Variants in COL5A2 observed in about 807,000 individuals in gnomAD.
COL5A2 encodes collagen type V alpha 2 chain, also known as collagen alpha-2(V) chain.
In COL5A2, 23 loss-of-function variants were observed where a neutral mutation model predicts 208.2. The ratio of observed to expected loss-of-function variants is 0.11; its 90% CI spans 0.08 to 0.16. COL5A2 has a LOEUF of 0.16. Ranked by LOEUF, COL5A2 falls within the 10% of genes least tolerant of loss-of-function variation. The pLI, the probability that COL5A2 is intolerant of heterozygous loss-of-function variation, is 1.00. For missense variants in COL5A2, 1,590 were observed against 1,956.4 expected (o/e 0.81, Z 3.53); for synonymous variants, 625 against 628.5 (o/e 0.99, Z 0.08).
At chr2:189,363,381 T>G in the COL5A2 span, among the ~76,000 whole-genome samples, 1 of 152,156 alleles carries the variant, frequency 6.6e-6, no homozygotes, top group African/African-American at 2.4e-5. Context: ...TCTTCTAAAC[T>G]TTATCAAATC....
At chr2:189,200,966 T>C (rs975725420) in intron 1 of COL5A2, among the ~76,000 whole-genome samples, 12 of 151,914 alleles carry the variant, frequency 7.9e-5, no homozygotes, top group African/African-American at 2.7e-4. Context: ...ACAAGAAATG[T>C]TAAAGTTCTT....
chr2:189,289,210 C>T, the COL5A2 span, among the ~76,000 whole-genome samples: 48 of 151,876 alleles, frequency 3.2e-4, 1 homozygote, highest in Admixed American at 2.6e-3. Context: ...GGCGTGGTGG[C>T]GTACACCTGT....
intron 1 of COL5A2, among the ~76,000 whole-genome samples, chr2:189,213,901 G>C (rs1167959857): frequency 6.6e-6 from 1 of 152,154 alleles, no homozygotes; most frequent in Non-Finnish European, 1.5e-5. Context: ...TGTACGTCTT[G>C]ATCTGGGTAT....
intron 1 of COL5A2, among the ~76,000 whole-genome samples, chr2:189,134,582 C>T (rs940567278): frequency 6.6e-6 from 1 of 152,120 alleles, no homozygotes; most frequent in Non-Finnish European, 1.5e-5. Flanking sequence ...GAGTGAGACT[C>T]CATCTCAGAA....
intron 1 of COL5A2, among the ~76,000 whole-genome samples, chr2:189,201,310 G>A (rs1304815817): frequency 6.6e-6 from 1 of 151,872 alleles, no homozygotes; most frequent in South Asian, 2.1e-4. Context: ...TTAATAATAA[G>A]TCCATGAAAT....
the COL5A2 span, among the ~76,000 whole-genome samples, chr2:189,380,151 T>G: frequency 6.6e-6 from 1 of 152,008 alleles, no homozygotes; most frequent in Non-Finnish European, 1.5e-5. Flanking sequence ...TAAAATATTT[T>G]AGGAATGTCA....
intron 45 of COL5A2, 27 bp from the exon 46 acceptor site, chr2:189,045,934 T>G (rs1372449295): frequency 9.5e-6 from 15 of 1,580,110 alleles, no homozygotes; most frequent in East Asian, 6.7e-5. Context: ...TGATATTATT[T>G]TTTAACATTT....
At chr2:189,342,466 G>A in the COL5A2 span, among the ~76,000 whole-genome samples, 1 of 109,688 alleles carries the variant, frequency 9.1e-6, no homozygotes, top group African/African-American at 2.7e-5. Flanking sequence ...ATATATTTAT[G>A]CTTCTATTTA....
At chr2:189,374,647 T>C in the COL5A2 span, among the ~76,000 whole-genome samples, 1 of 152,208 alleles carries the variant, frequency 6.6e-6, no homozygotes, top group African/African-American at 2.4e-5. Flanking sequence ...GAATTTTTTA[T>C]GTCATGACTT....
intron 1 of COL5A2, among the ~76,000 whole-genome samples, chr2:189,168,388 T>C (rs1688512085): frequency 6.6e-6 from 1 of 152,088 alleles, no homozygotes; most frequent in Non-Finnish European, 1.5e-5. Context: ...ACTAGGAACT[T>C]TGCAGTTAAT....
chr2:189,165,296 A>G (rs1271869609), intron 1 of COL5A2, among the ~76,000 whole-genome samples: 1 of 152,212 alleles, frequency 6.6e-6, no homozygotes, highest in Non-Finnish European at 1.5e-5. Context: ...AGGGAAAAAC[A>G]TGAGATAAGT....
At chr2:189,412,920 T>A in the COL5A2 span, among the ~76,000 whole-genome samples, 3 of 152,030 alleles carry the variant, frequency 2.0e-5, no homozygotes, top group East Asian at 1.9e-4. Context: ...GTTCTCTGAG[T>A]GGAAAGTAGA....
Position 189,104,247 on chromosome 2 carries a change from T to C in COL5A2, c.336+17A>G, listed in dbSNP as rs1437875610. The C allele has an allele frequency of 8.7e-6, 13 of 1,496,278 alleles. No homozygotes were observed. The highest frequency in any genetic ancestry group is 1.1e-5 in the South Asian group (1 of 88,682). 92.7% of individuals were successfully genotyped at this position (1,496,278 alleles called of 1,614,324 possible). On this transcript the variant is annotated intron_variant, in intron 3 of 53. Coordinates refer to ENST00000374866, the MANE Select transcript of COL5A2 (RefSeq NM_000393.5). ...AAGTCTGCTTATGAAAAAGAAAATA[T>C]GCAAAGTAACACTTACCTTTCTTCC...
intron 1 of COL5A2, among the ~76,000 whole-genome samples, chr2:189,128,542 C>T (rs762354878): frequency 1.3e-4 from 20 of 151,936 alleles, no homozygotes; most frequent in Middle Eastern, 3.4e-3. Context: ...TGGTGCTCCT[C>T]AAACCTGGCT....
the COL5A2 span, among the ~76,000 whole-genome samples, chr2:189,236,504 T>C: frequency 6.6e-6 from 1 of 152,006 alleles, no homozygotes; most frequent in African/African-American, 2.4e-5. Flanking sequence ...ATGAGAGTTC[T>C]AGTTGCTAAA....
At chr2:189,182,443 T>C (rs1291146147), upstream of COL5A2, among the ~76,000 whole-genome samples, 1 of 152,190 alleles carries the variant, frequency 6.6e-6, no homozygotes, top group Non-Finnish European at 1.5e-5. Context: ...ACTTCAGTGA[T>C]GTCTGACTCC....
At chr2:189,211,306 G>C (rs1217793003) in intron 1 of COL5A2, among the ~76,000 whole-genome samples, 2 of 152,092 alleles carry the variant, frequency 1.3e-5, no homozygotes, top group Non-Finnish European at 2.9e-5. Context: ...TTGTTCATCA[G>C]TAAAACTTAC....
chr2:189,279,529 TAA>T, the COL5A2 span, among the ~76,000 whole-genome samples: 10 of 114,510 alleles, frequency 8.7e-5, no homozygotes, highest in Admixed American at 8.9e-5. Flanking sequence ...AGCATTTTTG[TAA>T]AAAAAAAAAA....
intron 14 of COL5A2, among the ~76,000 whole-genome samples, chr2:189,079,430 A>G (rs1176882451): frequency 6.6e-6 from 1 of 152,168 alleles, no homozygotes; most frequent in African/African-American, 2.4e-5. Flanking sequence ...GCTAAAATTG[A>G]TTGTAACACT....
Sources: allele counts gnomAD v4.1 joint callset (sites outside exome capture counted in the v4.1 genomes callset), GRCh38; gene constraint gnomAD v4.1.1; transcripts MANE v1.5; gene names NCBI Gene and HGNC (gene_info 2026-07-23, HGNC 2026-07-21).